The following TTLL5 variants were observed in gnomAD, a reference collection of about 807,000 sequenced individuals.
TTLL5 encodes tubulin polyglutamylase TTLL5.
Under a neutral mutation model 168.4 loss-of-function variants are expected in TTLL5, and 132 were observed. That is an observed-to-expected ratio of 0.78 (90% CI 0.68 to 0.91). The LOEUF is 0.91. Ranked by LOEUF, TTLL5 falls within the 40% of genes least tolerant of loss-of-function variation. The pLI is 0.00. For missense variants in TTLL5, 1,545 were observed against 1,581.5 expected (o/e 0.98, Z 0.39); for synonymous variants, 546 against 558.6 (o/e 0.98, Z 0.32).
rs1885358137 is a variant in TTLL5 at position 75,690,330 on chromosome 14, C to T, written c.502+8C>T. 1 of 1,598,512 alleles carries T rather than the reference C, an allele frequency of 6.3e-7. No individual in the cohort carries two copies. The highest frequency in any genetic ancestry group is 1.1e-5 in the South Asian group (1 of 88,202). On this transcript the variant is annotated splice_region_variant and intron_variant, in intron 6 of 31. Transcript: ENST00000298832. ...AGTACGCGGAATTTTGTAGTAAGTG[C>T]TTGACAGAGAATGCCCCAGTCCCCA...
chr14:75,733,991 A>G lies in TTLL5; in HGVS notation c.1127A>G (p.Asp376Gly). ...EVNLSPSLAC[D>G]APLDLKIKAS... ...CTTTTCTTTCTCTGTTCTGTTAGTGATGCGCCTCTGGACCTAAAGATTAAA... is the reference window on the plus strand; with the variant it reads ...CTTTTCTTTCTCTGTTCTGTTAGTGGTGCGCCTCTGGACCTAAAGATTAAA... Residue 376 changes from aspartate to glycine, a missense_variant and splice_region_variant, in exon 14 of 32, where the codon GAT (aspartate) becomes GGT (glycine). Physicochemically the swap from Asp to Gly is moderately conservative, Grantham distance 94. Transcript: ENST00000298832. 6.2e-7 allele frequency: 1 copy of G among 1,613,924 alleles called. No homozygotes were observed. Among genetic ancestry groups the G allele is most frequent in the Non-Finnish European group, 8.5e-7 (1 of 1,179,874 alleles).
At position 75,734,644 on chromosome 14, in the gene TTLL5, A is replaced by G. The variant is rs571135435; in HGVS notation, c.1187-551A>G. On this transcript the variant is annotated intron_variant, in intron 14 of 31. Coordinates refer to ENST00000298832, the MANE Select transcript of TTLL5 (RefSeq NM_015072.5). ...AACTTAGCTACTCTATTCTCCCTGG[A>G]TGGGAATCTGCTTCTTTTTAGGAAG... Among the ~76,000 whole-genome samples the G allele has an allele frequency of 9.2e-5, 14 of 152,266 alleles. No homozygotes were observed. The East Asian group carries it at 2.3e-3, about 25-fold the overall frequency.
chr14:75,835,677 A>G (rs921222993), intron 28 of TTLL5: 5 of 152,250 alleles, frequency 3.3e-5, no homozygotes, highest in African/African-American at 7.2e-5. Flanking sequence ...CAGAATATGT[A>G]AGGAATTCAA....
intron 31 of TTLL5, among the ~76,000 whole-genome samples, chr14:75,946,152 G>A (rs2034764184): frequency 6.6e-6 from 1 of 152,130 alleles, no homozygotes; most frequent in African/African-American, 2.4e-5. Flanking sequence ...GGAGGAATTG[G>A]GGGCAACATA....
chr14:75,906,284 C>T (rs563578015), intron 31 of TTLL5, among the ~76,000 whole-genome samples: 2 of 152,238 alleles, frequency 1.3e-5, no homozygotes, highest in African/African-American at 2.4e-5. Context: ...TTTGGAGCTC[C>T]TGGGTGGATC....
intron 30 of TTLL5, among the ~76,000 whole-genome samples, chr14:75,901,499 A>T (rs958356199): frequency 6.6e-6 from 1 of 152,142 alleles, no homozygotes; most frequent in Non-Finnish European, 1.5e-5. Context: ...TGCTGTGTAC[A>T]TTTCTCAGTC....
chr14:75,765,950 G>T (rs1407261373), intron 19 of TTLL5, 112 bp from the exon 20 acceptor site: 2 of 821,024 alleles, frequency 2.4e-6, no homozygotes, highest in Non-Finnish European at 1.9e-6. Context: ...TCTGTGCCTT[G>T]TTTGTGGTTT....
At chr14:75,937,431 C>T (rs953409015) in intron 31 of TTLL5, among the ~76,000 whole-genome samples, 2 of 151,884 alleles carry the variant, frequency 1.3e-5, no homozygotes, top group Non-Finnish European at 2.9e-5. Context: ...GGTCCATTTA[C>T]ATTCTTATGT....
chr14:75,793,308 A>G (rs539295524), intron 27 of TTLL5, among the ~76,000 whole-genome samples: 42 of 152,308 alleles, frequency 2.8e-4, no homozygotes, highest in African/African-American at 9.4e-4. Flanking sequence ...TTGTGAAGTA[A>G]GTCTGCTACT....
chr14:75,773,134 T>C (rs1162363075), intron 21 of TTLL5, among the ~76,000 whole-genome samples: 4 of 152,188 alleles, frequency 2.6e-5, no homozygotes, highest in African/African-American at 9.7e-5. Context: ...ACATGTTGGT[T>C]ATCCCAGAAA....
intron 6 of TTLL5, among the ~76,000 whole-genome samples, chr14:75,691,795 A>G (rs922096144): frequency 1.3e-5 from 2 of 152,224 alleles, no homozygotes; most frequent in African/African-American, 4.8e-5. Context: ...AGAGAGAGTT[A>G]TCTCTAGACT....
At chr14:75,833,078 A>G (rs1895670296) in intron 28 of TTLL5, among the ~76,000 whole-genome samples, 2 of 152,050 alleles carry the variant, frequency 1.3e-5, no homozygotes, top group South Asian at 4.2e-4. Context: ...AGGTGCCTTC[A>G]TCATTCTCCT....
chr14:75,926,156 C>CTTTTTTTTTTTT lies in TTLL5; in HGVS notation c.3823+23949_3823+23960dup, dbSNP rs34048806. ...TTAAAGACTAGGATTGCAACCCCAG[C>CTTTTTTTTTTTT]TTTTTTTTTTTTTTTTTTTTTTTTT... is the stretch of plus-strand genomic sequence containing the variant. On this transcript the variant is annotated intron_variant, in intron 31 of 31. Transcript: ENST00000298832. Among the ~76,000 whole-genome samples the CTTTTTTTTTTTT allele has an allele frequency of 2.7e-4, 8 of 29,960 alleles. 2 individuals carry two copies. The East Asian group carries it at 4.0e-3, about 15-fold the overall frequency. 19.7% of individuals were successfully genotyped at this position (29,960 alleles called of 152,430 possible).
intron 30 of TTLL5, among the ~76,000 whole-genome samples, chr14:75,892,558 G>T (rs1256405968): frequency 6.6e-6 from 1 of 152,154 alleles, no homozygotes; most frequent in Admixed American, 6.5e-5. Context: ...GGGGGAGTGC[G>T]ACTGGCATCT....
intron 11 of TTLL5, 54 bp from the exon 12 acceptor site, chr14:75,720,542 C>A: frequency 1.6e-6 from 2 of 1,278,392 alleles, no homozygotes; most frequent in South Asian, 2.4e-5. Context: ...GAATCCAGTT[C>A]ATAATCCATG....
At chr14:75,745,958 C>T (rs867653924) in intron 17 of TTLL5, among the ~76,000 whole-genome samples, 1 of 152,162 alleles carries the variant, frequency 6.6e-6, no homozygotes, top group South Asian at 2.1e-4. Flanking sequence ...TTTAAATGTA[C>T]AGTTTGAAGA....
chr14:75,900,311 A>G (rs1257763489), intron 30 of TTLL5, among the ~76,000 whole-genome samples: 1 of 152,072 alleles, frequency 6.6e-6, no homozygotes, highest in Non-Finnish European at 1.5e-5. Context: ...GTAGGCCCCA[A>G]ATTGCTTGCC....
intron 27 of TTLL5, among the ~76,000 whole-genome samples, chr14:75,801,550 A>T (rs534420230): frequency 6.6e-6 from 1 of 152,256 alleles, no homozygotes; most frequent in Admixed American, 6.5e-5. Context: ...GCTATCAAAT[A>T]CTAGATCTTA....
intron 31 of TTLL5, among the ~76,000 whole-genome samples, chr14:75,934,333 TTAAAG>T (rs1303894189): frequency 3.3e-5 from 5 of 152,160 alleles, no homozygotes; most frequent in Non-Finnish European, 4.4e-5. Flanking sequence ...TTTAAATAAG[TTAAAG>T]TAAAGCATTT....
Sources: gnomAD v4.1 joint callset for allele counts (sites outside exome capture counted in the v4.1 genomes callset) on GRCh38, gnomAD v4.1.1 for gene constraint, MANE v1.5 for transcripts, NCBI Gene and HGNC (gene_info 2026-07-23, HGNC 2026-07-21) for gene names.